The following KLHDC4 variants were observed in gnomAD, a reference collection of about 807,000 sequenced individuals.
The protein encoded by KLHDC4 is kelch domain containing 4.
In KLHDC4, 90 loss-of-function variants were observed where a neutral mutation model predicts 62.4. The observed-to-expected ratio is 1.44, with a 90% confidence interval of 1.22 to 1.72. KLHDC4 has a LOEUF of 1.72. KLHDC4 is among the 40% of genes most tolerant of loss of function. The pLI is 0.00. For synonymous variants in KLHDC4, 386 were observed against 284.4 expected (o/e 1.36, Z -3.59); for missense variants, 1,025 against 699.7 (o/e 1.47, Z -5.25).
downstream of KLHDC4, among the ~76,000 whole-genome samples, chr16:87,703,664 C>T (rs978838263): frequency 2.0e-5 from 3 of 152,188 alleles, no homozygotes; most frequent in African/African-American, 7.2e-5. Flanking sequence ...TGGGCTGCAG[C>T]CAGTGGGGGC....
chr16:87,757,063 C>T (rs2045069118), intron 2 of KLHDC4, among the ~76,000 whole-genome samples: 1 of 152,038 alleles, frequency 6.6e-6, no homozygotes, highest in Non-Finnish European at 1.5e-5. Context: ...GATCTGCCCA[C>T]CTCGGCCTCC....
rs532158910 is a variant in KLHDC4, at chr16:87,738,332, C to T, written c.507-7688G>A. ...TTCCTCACATCAGGAGAAAACAGTG[C>T]GTATGCCTGCGCACACACGGACGTG... On this transcript the variant is annotated intron_variant, in intron 5 of 11. Coordinates refer to ENST00000270583, the MANE Select transcript of KLHDC4 (RefSeq NM_017566.4). Among the ~76,000 whole-genome samples the T allele has an allele frequency of 2.6e-5, 4 of 151,582 alleles. No individual in the cohort carries two copies. The South Asian group carries it at 6.3e-4, about 24-fold the overall frequency.
intron 2 of KLHDC4, among the ~76,000 whole-genome samples, chr16:87,761,010 A>T (rs1042838735): frequency 2.6e-5 from 4 of 152,024 alleles, no homozygotes; most frequent in Admixed American, 1.3e-4. Context: ...TCCAGCCTGG[A>T]TGACAGAGTG....
chr16:87,724,515 A>G (rs2038997506), intron 7 of KLHDC4, among the ~76,000 whole-genome samples: 1 of 152,174 alleles, frequency 6.6e-6, no homozygotes, highest in Non-Finnish European at 1.5e-5. Context: ...TCACTAACAA[A>G]AACTACAGCC....
chr16:87,720,277 G>A lies in KLHDC4; in HGVS notation c.760-5704C>T, dbSNP rs374612285. Among the ~76,000 whole-genome samples the A allele has an allele frequency of 3.0e-4, 46 of 152,166 alleles. 1 individual carries two copies. Among genetic ancestry groups the A allele is most frequent in the Admixed American group, 3.9e-4 (6 of 15,278 alleles). ...GGTCCTGGGAGAAGACAGTGCTAAC[G>A]GCAGCACTGATGTTCACCGAAATCA... On this transcript the variant is annotated intron_variant, in intron 7 of 11. Transcript: ENST00000270583.
At position 87,736,394 on chromosome 16, in the gene KLHDC4, C is replaced by T. The variant is rs764128852; in HGVS notation, c.507-5750G>A. On this transcript the variant is annotated intron_variant, in intron 5 of 11. Coordinates refer to ENST00000270583, the MANE Select transcript of KLHDC4 (RefSeq NM_017566.4). ...GACAGCAGGACCACTGCTGCACCGG[C>T]GGCCTAGAGACATCTGCTGAGCAAA... 2.0e-4 allele frequency among the ~76,000 whole-genome samples: 31 copies of T among 152,188 alleles called. 1 individual carries two copies. The highest frequency in any genetic ancestry group is 1.3e-3 in the Admixed American group (20 of 15,278).
At chr16:87,724,965 G>A (rs992889634) in intron 7 of KLHDC4, among the ~76,000 whole-genome samples, 13 of 152,126 alleles carry the variant, frequency 8.5e-5, no homozygotes, top group Admixed American at 5.9e-4. Context: ...GGTGTCCAAC[G>A]AAAAACAGAA....
chr16:87,721,458 T>A (rs989271847), intron 7 of KLHDC4, among the ~76,000 whole-genome samples: 2 of 147,272 alleles, frequency 1.4e-5, no homozygotes, highest in African/African-American at 5.0e-5. Flanking sequence ...GAAACAGGTG[T>A]GGCCACAGGT....
At chr16:87,737,590 CTT>C (rs10709997) in intron 5 of KLHDC4, among the ~76,000 whole-genome samples, 20,951 of 130,330 alleles carry the variant, frequency 0.16, 1,679 homozygotes, top group East Asian at 0.29. Flanking sequence ...ACAAATCAGT[CTT>C]TTTTTTTTTT....
intron 5 of KLHDC4, among the ~76,000 whole-genome samples, chr16:87,748,268 TTCTACACCAAC>T (rs1193145861): frequency 1.3e-5 from 2 of 152,028 alleles, no homozygotes; most frequent in Non-Finnish European, 1.5e-5. Flanking sequence ...GCTCCACGGT[TTCTACACCAAC>T]TCGACACAGA....
chr16:87,716,177 G>T (rs1207831366), intron 7 of KLHDC4, among the ~76,000 whole-genome samples: 3 of 150,124 alleles, frequency 2.0e-5, no homozygotes, highest in Non-Finnish European at 4.5e-5. Flanking sequence ...CGTGGATATT[G>T]ACGTAGACTT....
chr16:87,741,708 G>C (rs377095630), intron 5 of KLHDC4, among the ~76,000 whole-genome samples: 10 of 152,252 alleles, frequency 6.6e-5, no homozygotes, highest in African/African-American at 1.9e-4. Flanking sequence ...CAGATAACAG[G>C]AGGGACTCTA....
chr16:87,709,967 C>A (rs1043206865), intron 9 of KLHDC4: 6 of 399,004 alleles, frequency 1.5e-5, no homozygotes, highest in Non-Finnish European at 2.3e-5. Flanking sequence ...CCCACCAGAC[C>A]CCACACACAG....
At position 87,755,257 on chromosome 16, in the gene KLHDC4, G is replaced by C. The variant is rs145529428; in HGVS notation, c.306C>G (p.Thr102=). The C allele has an allele frequency of 1.2e-4, 190 of 1,610,714 alleles. 1 individual carries two copies. The African/African-American group carries it at 2.2e-3, about 19-fold the overall frequency. ...FLYNELYVYN[T]RKDTWTKVDI... ...CAACTTTGGTCCAGGTGTCCTTTCT[G>C]GTATTGTAGACATAGAGCTCGTTAT... Residue 102 remains threonine, a synonymous_variant, in exon 4 of 12, where the codon ACC becomes ACG. Transcript: ENST00000270583.
chr16:87,746,251 C>G (rs2043014826), intron 5 of KLHDC4, among the ~76,000 whole-genome samples: 1 of 151,182 alleles, frequency 6.6e-6, no homozygotes, highest in Non-Finnish European at 1.5e-5. Context: ...GCCTGGGCAA[C>G]AGAGTAAGAC....
chr16:87,711,292 G>A lies in KLHDC4; in HGVS notation c.987C>T (p.Phe329=). The A allele has an allele frequency of 1.9e-6, 3 of 1,614,114 alleles. No homozygotes were observed. The highest frequency in any genetic ancestry group is 2.2e-5 in the East Asian group (1 of 44,880). Residue 329 remains phenylalanine (F), a synonymous_variant, in exon 9 of 12, where the codon TTC becomes TTT. Transcript: ENST00000270583. ...EEEESLSGEF[F]NDLYFYDATR... ...TGGCGTCGTAGAAGTACAGATCGTT[G>A]AAGAACTCGCCCGACAGGCTCTCCT...
Position 87,756,384 on chromosome 16 carries a change from A to C in KLHDC4, c.270+15T>G. 1 of 1,587,508 alleles carries C rather than the reference A, an allele frequency of 6.3e-7. No homozygotes were observed. The highest frequency in any genetic ancestry group is 2.2e-5 in the East Asian group (1 of 44,720). On this transcript the variant is annotated intron_variant, in intron 3 of 11. Transcript: ENST00000270583. The stretch of plus-strand genomic sequence containing the variant: ...CACGCAACATGGGAAGAAAAGAAAA[A>C]AATATATACTTTACTTTTTGGCCGT...
chr16:87,748,477 C>CA (rs1391965827), intron 5 of KLHDC4, among the ~76,000 whole-genome samples, 196 bp downstream of exon 5: 1 of 152,168 alleles, frequency 6.6e-6, no homozygotes, highest in Non-Finnish European at 1.5e-5. Flanking sequence ...TGGCACCCCC[C>CA]ACACCCGGCC....
At position 87,758,207 on chromosome 16, in the gene KLHDC4, A is replaced by G. The variant is rs916721680; in HGVS notation, c.192-1730T>C. ...ATTAAAAGCTAAACACAGAATCACC[A>G]CATAATCCAGCAGTTCGTTCCCAGG... On this transcript the variant is annotated intron_variant, in intron 2 of 11. Transcript: ENST00000270583. Among the ~76,000 whole-genome samples the G allele has an allele frequency of 7.9e-5, 12 of 152,370 alleles. 1 individual carries two copies. The South Asian group carries it at 1.9e-3, about 24-fold the overall frequency.
Sources: allele counts gnomAD v4.1 joint callset (sites outside exome capture counted in the v4.1 genomes callset), GRCh38; gene constraint gnomAD v4.1.1; transcripts MANE v1.5; gene names NCBI Gene and HGNC (gene_info 2026-07-23, HGNC 2026-07-21).